XKR4: variants seen among roughly 807,000 people sequenced by gnomAD.
XKR4 encodes XK related 4, also known as XK-related protein 4.
A neutral mutation model predicts 53.9 loss-of-function variants in XKR4; 12 were observed. That is an observed-to-expected ratio of 0.22 (90% CI 0.14 to 0.36). XKR4 has a LOEUF of 0.36. Ranked by LOEUF, XKR4 falls within the 10% of genes least tolerant of loss-of-function variation. The probability of loss-of-function intolerance (pLI) is 1.00; values close to 1 mark genes in which losing one functional copy is unlikely to be tolerated. For synonymous variants in XKR4, 354 were observed against 362.4 expected (o/e 0.98, Z 0.26); for missense variants, 799 against 859.5 (o/e 0.93, Z 0.88).
chr8:55,107,615 CGTA>C (rs1445076692), intron 1 of XKR4, among the ~76,000 whole-genome samples: 10 of 151,784 alleles, frequency 6.6e-5, no homozygotes, highest in African/African-American at 1.9e-4. Flanking sequence ...AACATGATCT[CGTA>C]GTAGTTTTAA....
chr8:55,413,976 T>C (rs1382439952), intron 2 of XKR4, among the ~76,000 whole-genome samples: 2 of 152,252 alleles, frequency 1.3e-5, no homozygotes, highest in East Asian at 1.9e-4. Context: ...TACCCATTGT[T>C]ACATAAACTG....
At chr8:55,418,078 G>T (rs974881555) in intron 2 of XKR4, among the ~76,000 whole-genome samples, 3 of 152,218 alleles carry the variant, frequency 2.0e-5, no homozygotes, top group Non-Finnish European at 4.4e-5. Flanking sequence ...GAGCTAGATG[G>T]CAATGTTCTT....
At chr8:55,188,024 A>T (rs1175450988) in intron 1 of XKR4, among the ~76,000 whole-genome samples, 1 of 152,230 alleles carries the variant, frequency 6.6e-6, no homozygotes, top group Non-Finnish European at 1.5e-5. Context: ...GAAGACAAAA[A>T]TCAAAATAAC....
intron 1 of XKR4, among the ~76,000 whole-genome samples, chr8:55,224,333 C>A (rs111429772): frequency 1.3e-3 from 202 of 152,006 alleles, no homozygotes; most frequent in African/African-American, 4.7e-3. Flanking sequence ...TAGATAATTG[C>A]GGTTGTGTCT....
At chr8:55,463,151 C>A (rs889471074) in intron 2 of XKR4, among the ~76,000 whole-genome samples, 1 of 152,172 alleles carries the variant, frequency 6.6e-6, no homozygotes, top group Non-Finnish European at 1.5e-5. Context: ...GAACTCTCCA[C>A]CCCAAATCAA....
At chr8:55,309,703 A>G (rs1270438745) in intron 1 of XKR4, among the ~76,000 whole-genome samples, 1 of 152,214 alleles carries the variant, frequency 6.6e-6, no homozygotes, top group Non-Finnish European at 1.5e-5. Context: ...TGTACAAGAG[A>G]TCTCTGTATC....
chr8:55,270,449 C>T (rs916186592), intron 1 of XKR4, among the ~76,000 whole-genome samples: 14 of 152,196 alleles, frequency 9.2e-5, no homozygotes, highest in Admixed American at 6.5e-5. Flanking sequence ...CACGAACTGC[C>T]TCAGTGTGTC....
At chr8:55,302,438 C>T (rs1303057545) in intron 1 of XKR4, among the ~76,000 whole-genome samples, 2 of 151,142 alleles carry the variant, frequency 1.3e-5, no homozygotes, top group African/African-American at 2.4e-5. Flanking sequence ...ATGATGCCTC[C>T]AGCTTTGTTC....
intron 1 of XKR4, among the ~76,000 whole-genome samples, chr8:55,183,935 G>A (rs1563477490): frequency 6.6e-6 from 1 of 152,104 alleles, no homozygotes; most frequent in Non-Finnish European, 1.5e-5. Flanking sequence ...TACACATTGA[G>A]GATGGCTACC....
intron 2 of XKR4, among the ~76,000 whole-genome samples, chr8:55,462,598 T>C (rs1432398975): frequency 1.3e-5 from 2 of 152,162 alleles, no homozygotes; most frequent in Non-Finnish European, 2.9e-5. Flanking sequence ...AACATCATAA[T>C]GACGGGATCA....
chr8:55,209,993 T>C lies in XKR4; in HGVS notation c.806+106699T>C, dbSNP rs138969676. Among the ~76,000 whole-genome samples the C allele has an allele frequency of 1.6e-3, 245 of 152,248 alleles. 2 individuals carry two copies. Among genetic ancestry groups the C allele is most frequent in the Admixed American group, 2.7e-3 (42 of 15,288 alleles). On this transcript the variant is annotated intron_variant, in intron 1 of 2. Coordinates refer to ENST00000327381, the MANE Select transcript of XKR4 (RefSeq NM_052898.2). ...CCTAGTTATGGAAAGATCCTAAAAT[T>C]TTCCCAAAGATTGAATGATGAACTC...
intron 1 of XKR4, among the ~76,000 whole-genome samples, chr8:55,219,007 C>A (rs1378228798): frequency 1.9e-5 from 2 of 107,824 alleles, no homozygotes. Context: ...ATTCTAGAAG[C>A]AGTCTTTTTT....
chr8:55,452,507 C>A, intron 2 of XKR4: 2 of 650,698 alleles, frequency 3.1e-6, no homozygotes, highest in Non-Finnish European at 5.6e-6. Flanking sequence ...CCAGCACACA[C>A]TCCTCACCAG....
At chr8:55,115,614 C>G (rs1816294767) in intron 1 of XKR4, among the ~76,000 whole-genome samples, 1 of 152,084 alleles carries the variant, frequency 6.6e-6, no homozygotes, top group Admixed American at 6.5e-5. Flanking sequence ...GAAACCTCAT[C>G]TCTACTCAAA....
intron 2 of XKR4, chr8:55,453,463 C>A (rs1228937089): frequency 7.5e-6 from 3 of 399,400 alleles, no homozygotes; most frequent in African/African-American, 6.3e-5. Context: ...TCCCCTCAAA[C>A]ACGTGGGAGA....
chr8:55,163,295 C>T (rs1339401312), intron 1 of XKR4, among the ~76,000 whole-genome samples: 2 of 152,172 alleles, frequency 1.3e-5, no homozygotes, highest in Non-Finnish European at 2.9e-5. Flanking sequence ...CTTTCAGATC[C>T]TTCTATTAAA....
chr8:55,212,106 T>G (rs1817739627), intron 1 of XKR4, among the ~76,000 whole-genome samples: 2 of 139,932 alleles, frequency 1.4e-5, no homozygotes, highest in African/African-American at 2.7e-5. Flanking sequence ...TAGAAGGGAG[T>G]GTCTGGGTGA....
Position 55,541,685 on chromosome 8 carries a change from A to G in XKR4, c.*17458A>G, listed in dbSNP as rs139518586. 6.6e-6 allele frequency: 1 copy of G among 152,222 alleles called. No homozygotes were observed. The highest frequency in any genetic ancestry group is 1.5e-5 in the Non-Finnish European group (1 of 68,048). 9.4% of individuals were successfully genotyped at this position (152,222 alleles called of 1,614,324 possible). On this transcript the variant is annotated 3_prime_UTR_variant, in exon 3 of 3. Transcript: ENST00000327381. ...GTTCTTGTGCTTTTACTTTGTAAAC[A>G]TTGTACAAATGTATTTGGAATTTTA...
At chr8:55,226,866 G>T (rs552550275) in intron 1 of XKR4, among the ~76,000 whole-genome samples, 1 of 152,280 alleles carries the variant, frequency 6.6e-6, no homozygotes, top group South Asian at 2.1e-4. Context: ...TTACCCAGGA[G>T]CCTTTACCAG....
Sources: gnomAD v4.1 joint callset for allele counts (sites outside exome capture counted in the v4.1 genomes callset) on GRCh38, gnomAD v4.1.1 for gene constraint, MANE v1.5 for transcripts, NCBI Gene and HGNC (gene_info 2026-07-23, HGNC 2026-07-21) for gene names.